OTOL1: variants seen among roughly 807,000 people sequenced by gnomAD.
OTOL1 encodes the protein otolin-1.
A neutral mutation model predicts 25.0 loss-of-function variants in OTOL1; 31 were observed. That is an observed-to-expected ratio of 1.24 (90% confidence interval 0.93 to 1.67). OTOL1 has a LOEUF of 1.67. OTOL1 is among the 40% of genes most tolerant of loss of function. The pLI is 0.00. For missense variants in OTOL1, 654 were observed against 587.7 expected (o/e 1.11, Z -1.17); for synonymous variants, 225 against 210.3 (o/e 1.07, Z -0.61).
rs1255749157 is a variant in OTOL1 at position 161,503,423 on chromosome 3, A to G, written c.915A>G (p.Gly305=). The change falls in exon 4 of 4, where the codon GGA becomes GGG. Residue 305 remains glycine (G), a synonymous_variant. Transcript: ENST00000327928. ...KGELGPPGLL[G]PTGPKGDIGN... ...AGTTAGGTCCTCCTGGTCTCCTGGG[A>G]CCTACTGGGCCGAAGGGTGACATTG... 1 of 1,613,440 alleles carries G rather than the reference A, an allele frequency of 6.2e-7. No individual in the cohort carries two copies. The highest frequency in any genetic ancestry group is 8.5e-7 in the Non-Finnish European group (1 of 1,179,728).
At chr3:161,502,656 A>G (rs1355481805) in intron 3 of OTOL1, among the ~76,000 whole-genome samples, 1 of 152,174 alleles carries the variant, frequency 6.6e-6, no homozygotes, top group Non-Finnish European at 1.5e-5. Context: ...TTTAGGCTTG[A>G]ATGGACAATA....
At chr3:161,498,989 C>T (rs999882334) in intron 1 of OTOL1, among the ~76,000 whole-genome samples, 182 bp from the exon 2 acceptor site, 14 of 152,220 alleles carry the variant, frequency 9.2e-5, no homozygotes, top group African/African-American at 1.9e-4. Flanking sequence ...TCAGGTAGTA[C>T]GAAATTGCAA....
intron 2 of OTOL1, among the ~76,000 whole-genome samples, chr3:161,501,924 C>T (rs1462849266): frequency 7.9e-5 from 12 of 152,222 alleles, no homozygotes; most frequent in Middle Eastern, 3.4e-3. Context: ...TAAAGTGCAG[C>T]GGTGTGATCT....
At chr3:161,502,279 TA>T in intron 2 of OTOL1, 27 bp from the exon 3 acceptor site, 2 of 1,585,944 alleles carry the variant, frequency 1.3e-6, no homozygotes, top group Non-Finnish European at 1.7e-6. Context: ...ATGTAGTTGG[TA>T]AAAAGTTAAT....
intron 1 of OTOL1, among the ~76,000 whole-genome samples, chr3:161,498,851 G>C (rs780866425): frequency 2.6e-4 from 40 of 152,154 alleles, no homozygotes; most frequent in Non-Finnish European, 1.0e-4. Context: ...CAATGTGAAA[G>C]TGTGGTCCAT....
Position 161,496,919 on chromosome 3 carries a change from AG to A in OTOL1, c.113del (p.Arg38LysfsTer7). On this transcript the variant is annotated frameshift_variant, in exon 1 of 4. Coordinates refer to ENST00000327928, the MANE Select transcript of OTOL1 (RefSeq NM_001080440.1). LOFTEE classifies it high-confidence loss of function. The stretch of plus-strand genomic sequence containing the variant: ...CAAATTTACGAAGAAATCTGAGGAA[AG>A]AGAGATGCCAAAGGGTCTAAAGCCA... The part of the protein sequence containing the change: ...HTKFTKKSEE[R>X]EMPKGLKPSS... 1 of 1,613,506 alleles carries A rather than the reference AG, an allele frequency of 6.2e-7. No individual in the cohort carries two copies. Among genetic ancestry groups the A allele is most frequent in the Non-Finnish European group, 8.5e-7 (1 of 1,179,638 alleles).
Position 161,499,244 on chromosome 3 carries a change from C to A in OTOL1, c.438C>A (p.Gly146=). The A allele has an allele frequency of 6.2e-7, 1 of 1,604,828 alleles. No individual in the cohort carries two copies. The highest frequency in any genetic ancestry group is 2.2e-5 in the East Asian group (1 of 44,756). Residue 146 remains glycine (G), a synonymous_variant, in exon 2 of 4, where the codon GGC becomes GGA. Coordinates refer to ENST00000327928, the MANE Select transcript of OTOL1 (RefSeq NM_001080440.1). Reference sequence around the variant, plus strand: ...TTGTTGGGCCCCAAGGCCCTAGAGGCTACAAAGGAGAGAAAGGTAGGTAAT... The same window carrying A: ...TTGTTGGGCCCCAAGGCCCTAGAGGATACAAAGGAGAGAAAGGTAGGTAAT... ...PGVVGPQGPR[G]YKGEKGLKGE...
chr3:161,502,237 T>C, intron 2 of OTOL1, 70 bp from the exon 3 acceptor site: 1 of 1,343,560 alleles, frequency 7.4e-7, no homozygotes, highest in South Asian at 1.2e-5. Context: ...TGTGACATGG[T>C]TGTGAGAGGA....
rs1718994336 is a variant in OTOL1, at chr3:161,502,379, G to A, written c.517+10G>A. The A allele has an allele frequency of 6.2e-7, 1 of 1,609,790 alleles. No individual in the cohort carries two copies. On this transcript the variant is annotated intron_variant, in intron 3 of 3. Coordinates refer to ENST00000327928, the MANE Select transcript of OTOL1 (RefSeq NM_001080440.1). ...AAACCGGGAGCACAAGGTAGAGCAT[G>A]AAATGTATCTACTGTGTACAGTCAG...
chr3:161,499,277 T>C lies in OTOL1; in HGVS notation c.454+17T>C, dbSNP rs1183775858. On this transcript the variant is annotated intron_variant, in intron 2 of 3. Coordinates refer to ENST00000327928, the MANE Select transcript of OTOL1 (RefSeq NM_001080440.1). Reference sequence around the variant, plus strand: ...GAGAGAAAGGTAGGTAATTCATTCATGTCAAAACTCAAGGGACATTCTGCA... The same window carrying C: ...GAGAGAAAGGTAGGTAATTCATTCACGTCAAAACTCAAGGGACATTCTGCA... The C allele has an allele frequency of 1.3e-6, 2 of 1,563,262 alleles. No homozygotes were observed. Among genetic ancestry groups the C allele is most frequent in the Middle Eastern group, 3.4e-4 (2 of 5,912 alleles).
At position 161,503,531 on chromosome 3, in the gene OTOL1, C is replaced by A; in HGVS notation, c.1023C>A (p.Pro341=). Residue 341 remains proline (P), a synonymous_variant, in exon 4 of 4, where the codon CCC becomes CCA. Transcript: ENST00000327928. ...CCAAGGGTGAGTTGGCTAGAGTGCC[C>A]CGGTCGGCTTTCAGCGCTGGTTTGT... ...KGSKGELARV[P]RSAFSAGLSK... is the part of the protein sequence containing the mutation. The A allele has an allele frequency of 6.2e-7, 1 of 1,613,760 alleles. No homozygotes were observed. The highest frequency in any genetic ancestry group is 1.3e-5 in the African/African-American group (1 of 74,986).
At chr3:161,497,194 A>G (rs1252116977) in intron 1 of OTOL1, 23 bp downstream of exon 1, 5 of 1,587,626 alleles carry the variant, frequency 3.1e-6, no homozygotes, top group Non-Finnish European at 3.4e-6. Context: ...ATAAGAAGTC[A>G]TGTTTCTCAC....
chr3:161,503,775 G>A lies in OTOL1; in HGVS notation c.1267G>A (p.Glu423Lys). 6.2e-7 allele frequency: 1 copy of A among 1,613,880 alleles called. No homozygotes were observed. The highest frequency in any genetic ancestry group is 8.5e-7 in the Non-Finnish European group (1 of 1,179,850). ...FKSRETLYGQ[E>K]IDQASLLVIL... ...GTCCAGAGAAACTCTCTATGGTCAG[G>A]AAATAGACCAGGCCTCTCTCCTCGT... is the stretch of plus-strand genomic sequence containing the variant. Residue 423 changes from glutamate (E) to lysine (K), a missense_variant, in exon 4 of 4, where the codon GAA (glutamate) becomes AAA (lysine). Coordinates refer to ENST00000327928, the MANE Select transcript of OTOL1 (RefSeq NM_001080440.1).
chr3:161,497,250 C>T, intron 1 of OTOL1, 79 bp downstream of exon 1: 5 of 1,495,506 alleles, frequency 3.3e-6, no homozygotes, highest in Non-Finnish European at 4.5e-6. Context: ...GTGAAATTGC[C>T]CCAGGAGTTT....
chr3:161,502,398 C>T (rs369028801), intron 3 of OTOL1, 29 bp downstream of exon 3: 15 of 1,581,874 alleles, frequency 9.5e-6, no homozygotes, highest in Admixed American at 6.8e-5. Flanking sequence ...CTACTGTGTA[C>T]AGTCAGGTGC....
intron 2 of OTOL1, among the ~76,000 whole-genome samples, chr3:161,499,651 C>T (rs1292780204): frequency 6.6e-6 from 1 of 152,128 alleles, no homozygotes; most frequent in East Asian, 1.9e-4. Context: ...ATGGAACTAA[C>T]TAGAGCAGGC....
intron 2 of OTOL1, among the ~76,000 whole-genome samples, chr3:161,499,484 A>T (rs1479930504): frequency 1.3e-5 from 2 of 152,178 alleles, no homozygotes; most frequent in African/African-American, 2.4e-5. Flanking sequence ...GCAGGCACAC[A>T]GATTGTCACA....
intron 2 of OTOL1, among the ~76,000 whole-genome samples, 180 bp downstream of exon 2, chr3:161,499,440 T>G (rs1228308189): frequency 6.6e-6 from 1 of 152,174 alleles, no homozygotes; most frequent in Admixed American, 6.5e-5. Flanking sequence ...ATTGAGAAAT[T>G]TTAAACTTAC....
In OTOL1 at chr3:161,496,942, G is replaced by GCCAT. The variant is rs1378047495; in HGVS notation, c.139_142dup (p.Ser48IlefsTer18). The GCCAT allele has an allele frequency of 3.1e-6, 5 of 1,613,382 alleles. No individual in the cohort carries two copies. Among genetic ancestry groups the GCCAT allele is most frequent in the East Asian group, 2.2e-5 (1 of 44,868 alleles). On this transcript the variant is annotated frameshift_variant, in exon 1 of 4. Transcript: ENST00000327928. LOFTEE classifies it high-confidence loss of function. ...AAAGAGAGATGCCAAAGGGTCTAAA[G>GCCAT]CCATCCAGTGGCCCACCTCCAGAAG...
Sources: allele counts gnomAD v4.1 joint callset (sites outside exome capture counted in the v4.1 genomes callset), GRCh38; gene constraint gnomAD v4.1.1; transcripts MANE v1.5; gene names NCBI Gene and HGNC (gene_info 2026-07-23, HGNC 2026-07-21).